Variants in IVD observed in about 807,000 individuals in gnomAD.
The protein encoded by IVD is isovaleryl-CoA dehydrogenase, mitochondrial.
A neutral mutation model predicts 51.3 loss-of-function variants in IVD; 31 were observed. That is an observed-to-expected ratio of 0.60 (90% CI 0.45 to 0.81). The LOEUF is 0.81. Among genes scored for constraint, IVD ranks in the 40% least tolerant of loss-of-function variants. The pLI, the probability that IVD is intolerant of heterozygous loss-of-function variation, is 0.00. For missense variants in IVD, 475 were observed against 552.0 expected, an observed-to-expected ratio of 0.86 and a Z score of 1.40; for synonymous variants, 205 against 219.4, an observed-to-expected ratio of 0.93 and a Z score of 0.58.
rs1017696872 is a variant in IVD at position 40,418,408 on chromosome 15, C to A, written c.*145C>A. ...TCTGGCCTCTGGATGAGGTTGAGTT[C>A]TCCACAACAGCTCCCAAGCATCATG... On this transcript the variant is annotated 3_prime_UTR_variant, in exon 12 of 12. Coordinates refer to ENST00000487418, the MANE Select transcript of IVD (RefSeq NM_002225.5). 134 of 1,562,482 alleles carry A rather than the reference C, an allele frequency of 8.6e-5. No homozygotes were observed. The highest frequency in any genetic ancestry group is 9.6e-5 in the Non-Finnish European group (111 of 1,160,420).
intron 8 of IVD, among the ~76,000 whole-genome samples, chr15:40,435,039 C>T (rs1315502446): frequency 3.3e-5 from 5 of 152,198 alleles, no homozygotes; most frequent in African/African-American, 1.2e-4. Flanking sequence ...TGGCCCTAAG[C>T]CTCAATTTCC....
intron 7 of IVD, chr15:40,414,257 G>A (rs1891408164): frequency 6.3e-6 from 1 of 157,522 alleles, no homozygotes; most frequent in African/African-American, 2.4e-5. Flanking sequence ...TAATTACAGG[G>A]AGCATCCAGG....
chr15:40,416,527 C>T (rs1180130217), intron 11 of IVD, among the ~76,000 whole-genome samples, 165 bp downstream of exon 11: 1 of 152,208 alleles, frequency 6.6e-6, no homozygotes, highest in African/African-American at 2.4e-5. Context: ...CAAGACCAGC[C>T]TGGCCAACAT....
chr15:40,413,242 A>C (rs1891276260), intron 7 of IVD, 155 bp downstream of exon 7: 1 of 700,830 alleles, frequency 1.4e-6, no homozygotes, highest in African/African-American at 1.8e-5. Context: ...GCTGCTGGAC[A>C]GCGCTCCTTC....
chr15:40,413,212 T>C, intron 7 of IVD, 125 bp downstream of exon 7: 1 of 794,016 alleles, frequency 1.3e-6, no homozygotes, highest in South Asian at 1.5e-5. Context: ...CAGTGACATG[T>C]GGCTAGGCTG....
At chr15:40,408,716 C>T (rs1440030277) in intron 3 of IVD, among the ~76,000 whole-genome samples, 6 of 152,120 alleles carry the variant, frequency 3.9e-5, no homozygotes, top group East Asian at 3.9e-4. Context: ...TTTGGGAGGC[C>T]GAGGCAGGTG....
chr15:40,421,644 G>A (rs1203407972), downstream of IVD, among the ~76,000 whole-genome samples: 1 of 152,218 alleles, frequency 6.6e-6, no homozygotes, highest in Admixed American at 6.5e-5. Flanking sequence ...CCCCAAGGGT[G>A]AGTCTGCAAG....
chr15:40,421,487 C>T (rs969163063), downstream of IVD, among the ~76,000 whole-genome samples: 3 of 152,216 alleles, frequency 2.0e-5, no homozygotes, highest in Admixed American at 2.0e-4. Flanking sequence ...ATCAGGGCAG[C>T]TCGCTGCTGT....
In IVD at chr15:40,435,485, C is replaced by T. The variant is rs1893218647; in HGVS notation, c.850C>T (p.Gln284Ter). Reference sequence around the variant, plus strand: ...GACCCGAGGTCAGACGTCCCTGGAGCAGGTGAGCACTGCGAGGGAACTGAG... The same window carrying T: ...GACCCGAGGTCAGACGTCCCTGGAGTAGGTGAGCACTGCGAGGGAACTGAG... Residue 284 changes from glutamine (Q) to a stop codon, truncating the protein, a stop_gained, in exon 9 of 9, where the codon CAG (glutamine) becomes TAG (stop). Coordinates refer to the IVD transcript ENST00000473112. LOFTEE classifies it low-confidence loss of function (END_TRUNC). The T allele has an allele frequency of 8.0e-7, 1 of 1,254,796 alleles. No homozygotes were observed. Among genetic ancestry groups the T allele is most frequent in the South Asian group, 1.3e-5 (1 of 77,118 alleles). The allele number at this position is 1,254,796 out of a possible 1,614,324, so 77.7% of individuals were successfully genotyped here. A position where few individuals can be genotyped will look rare whatever the true frequency, so the allele number is the denominator to read the frequency against.
chr15:40,423,821 C>T (rs1268989160), downstream of IVD, among the ~76,000 whole-genome samples: 2 of 152,146 alleles, frequency 1.3e-5, no homozygotes, highest in African/African-American at 4.8e-5. Context: ...ATACTTTTTT[C>T]ACTTCCTCGG....
intron 7 of IVD, among the ~76,000 whole-genome samples, chr15:40,431,203 C>G (rs1043905403): frequency 6.7e-6 from 1 of 149,966 alleles, no homozygotes; most frequent in South Asian, 2.1e-4. Flanking sequence ...AGACAGGTCT[C>G]GAACTCCTGG....
chr15:40,424,727 C>A (rs117459566), downstream of IVD, among the ~76,000 whole-genome samples: 2,402 of 152,356 alleles, frequency 0.016, 28 homozygotes, highest in Non-Finnish European at 0.024. Flanking sequence ...AGTCACATGA[C>A]ACTTAGCTCA....
intron 7 of IVD, among the ~76,000 whole-genome samples, chr15:40,431,842 C>G (rs1595831138): frequency 6.6e-6 from 1 of 152,028 alleles, no homozygotes; most frequent in South Asian, 2.1e-4. Flanking sequence ...TCCCTTTCAA[C>G]AAAGAAGAGT....
At chr15:40,407,847 C>G (rs572849560) in intron 2 of IVD, 92 bp from the exon 3 acceptor site, 2 of 1,470,568 alleles carry the variant, frequency 1.4e-6, no homozygotes, top group East Asian at 4.5e-5. Context: ...CAGCCCCTCT[C>G]TCTGAAGTGT....
rs1891172613 is a variant in IVD at position 40,412,362 on chromosome 15, G to A, written c.688-629G>A. 2.6e-5 allele frequency among the ~76,000 whole-genome samples: 4 copies of A among 152,152 alleles called. No homozygotes were observed. In the South Asian group the frequency reaches 8.3e-4, roughly 32 times the overall value. ...GGCTGGGGCCACGAGTGGGGGAGTT[G>A]GCAAGAGTTTCATGAGCGAGTATTG... On this transcript the variant is annotated intron_variant, in intron 6 of 11. Transcript: ENST00000487418.
downstream of IVD, among the ~76,000 whole-genome samples, chr15:40,426,817 G>A (rs1892697393): frequency 6.6e-6 from 1 of 152,214 alleles, no homozygotes; most frequent in South Asian, 2.1e-4. Context: ...TGGCAAAAGT[G>A]TGCATCTGTG....
At position 40,411,320 on chromosome 15, in the gene IVD, G is replaced by A. The variant is rs1034640945; in HGVS notation, c.517G>A (p.Val173Ile). 8.7e-6 allele frequency: 14 copies of A among 1,614,024 alleles called. No individual in the cohort carries two copies. The African/African-American group carries it at 1.6e-4, about 18-fold the overall frequency. Residue 173 changes from valine (V) to isoleucine (I), a missense_variant, in exon 5 of 12, where the codon GTT (valine) becomes ATT (isoleucine). Val to Ile is a conservative substitution (Grantham distance 29). Transcript: ENST00000487418. Reference protein sequence around the residue: ...AMSEPNAGSDVVSMKLKAEKK... With the variant: ...AMSEPNAGSDIVSMKLKAEKK... ...GAGTGAGCCCAATGCAGGCTCTGAT[G>A]TTGTCTCTATGAAGCTCAAAGCGGA... is the stretch of plus-strand genomic sequence containing the variant.
In IVD at chr15:40,405,902, T is replaced by C. The variant is rs548882436; in HGVS notation, c.75T>C (p.Val25=). ...TGCGGCCGCCGCTTGCCGGCTTCGT[T>C]TCCCAGCGGGCCCACTCGCTTTTGC... is the stretch of plus-strand genomic sequence containing the variant. The part of the protein sequence containing the change: ...WRLRPPLAGF[V]SQRAHSLLPV... Residue 25 remains valine, a synonymous_variant, in exon 1 of 12, where the codon GTT becomes GTC. Transcript: ENST00000487418. 6.2e-7 allele frequency: 1 copy of C among 1,613,328 alleles called. No individual in the cohort carries two copies.
At chr15:40,410,935 A>G (rs1411478836) in intron 4 of IVD, 138 bp downstream of exon 4, 6 of 1,072,454 alleles carry the variant, frequency 5.6e-6, no homozygotes, top group Admixed American at 2.0e-5. Context: ...GGAAGGGGCC[A>G]TGGATTGCTT....
Sources: gnomAD v4.1 joint callset for allele counts (sites outside exome capture counted in the v4.1 genomes callset) on GRCh38, gnomAD v4.1.1 for gene constraint, MANE v1.5 for transcripts, NCBI Gene and HGNC (gene_info 2026-07-23, HGNC 2026-07-21) for gene names.